Variants in WWOX observed in about 807,000 individuals in gnomAD.
The protein encoded by WWOX is WW domain containing oxidoreductase.
WWOX carries 69 observed loss-of-function variants against 46.2 expected under a neutral mutation model. The ratio of observed to expected loss-of-function variants is 1.49; its 90% CI spans 1.23 to 1.82. The LOEUF is 1.82. WWOX is among the 40% of genes most tolerant of loss of function. The pLI, the probability that WWOX is intolerant of heterozygous loss-of-function variation, is 0.00. For synonymous variants in WWOX, 359 were observed against 202.6 expected (o/e 1.77, Z -6.56); for missense variants, 919 against 542.6 (o/e 1.69, Z -6.89).
intron 8 of WWOX, among the ~76,000 whole-genome samples, chr16:79,035,980 C>T (rs2047858486): frequency 6.6e-6 from 1 of 152,208 alleles, no homozygotes; most frequent in Admixed American, 6.5e-5. Flanking sequence ...CATCCCTTGG[C>T]TTTTTGCTTG....
intron 8 of WWOX, among the ~76,000 whole-genome samples, chr16:78,870,820 T>C (rs776242612): frequency 1.3e-5 from 2 of 152,198 alleles, no homozygotes; most frequent in Non-Finnish European, 2.9e-5. Context: ...CAGGGTTGTC[T>C]CGAACTCCTG....
At chr16:78,758,009 T>C (rs916779664) in intron 8 of WWOX, among the ~76,000 whole-genome samples, 5 of 152,136 alleles carry the variant, frequency 3.3e-5, no homozygotes, top group African/African-American at 1.2e-4. Flanking sequence ...GGATGCTCTT[T>C]TTCAAACTTC....
chr16:78,853,591 T>C (rs1011499379), intron 8 of WWOX, among the ~76,000 whole-genome samples: 1 of 152,184 alleles, frequency 6.6e-6, no homozygotes, highest in Non-Finnish European at 1.5e-5. Flanking sequence ...ATCTTTGTAT[T>C]TTCTTCTCAT....
At chr16:78,542,446 A>T (rs74029542) in intron 8 of WWOX, among the ~76,000 whole-genome samples, 8 of 152,102 alleles carry the variant, frequency 5.3e-5, no homozygotes, top group African/African-American at 1.9e-4. Context: ...TTGCGTTTGA[A>T]TTTGGTCCCA....
At chr16:78,906,715 G>C (rs1002278171) in intron 8 of WWOX, among the ~76,000 whole-genome samples, 2 of 152,174 alleles carry the variant, frequency 1.3e-5, no homozygotes, top group Non-Finnish European at 2.9e-5. Context: ...CAGCTCTATG[G>C]ATGTGCCCAG....
intron 8 of WWOX, among the ~76,000 whole-genome samples, chr16:78,919,257 C>A (rs541974852): frequency 9.9e-5 from 15 of 152,010 alleles, no homozygotes; most frequent in East Asian, 1.9e-4. Flanking sequence ...GACACCCCCC[C>A]ACTCTTAGCC....
At chr16:78,432,111 C>G (rs1231546911) in intron 7 of WWOX, among the ~76,000 whole-genome samples, 4 of 145,016 alleles carry the variant, frequency 2.8e-5, no homozygotes, top group African/African-American at 8.3e-5. Flanking sequence ...TACATAGTTT[C>G]CTCAGATTGC....
chr16:78,312,832 G>C (rs2080275503), intron 5 of WWOX, among the ~76,000 whole-genome samples: 1 of 152,204 alleles, frequency 6.6e-6, no homozygotes, highest in Non-Finnish European at 1.5e-5. Flanking sequence ...GACAGGCCTA[G>C]GCTCTGCCCT....
At chr16:79,048,324 C>T (rs547530349) in intron 8 of WWOX, among the ~76,000 whole-genome samples, 2 of 152,228 alleles carry the variant, frequency 1.3e-5, no homozygotes, top group South Asian at 2.1e-4. Context: ...CCCCAGCCCT[C>T]CAGCCCCACA....
chr16:79,107,819 A>G (rs564835272), intron 8 of WWOX, among the ~76,000 whole-genome samples: 1 of 152,352 alleles, frequency 6.6e-6, no homozygotes, highest in South Asian at 2.1e-4. Flanking sequence ...ATAATCACAA[A>G]TTAAAATAGC....
At chr16:78,535,972 C>A (rs7190925) in intron 8 of WWOX, among the ~76,000 whole-genome samples, 1 of 152,148 alleles carries the variant, frequency 6.6e-6, no homozygotes, top group Non-Finnish European at 1.5e-5. Context: ...CTGATACACA[C>A]AAAGCTTTCA....
intron 8 of WWOX, among the ~76,000 whole-genome samples, chr16:78,572,251 C>G (rs1416660982): frequency 1.3e-5 from 2 of 152,082 alleles, no homozygotes; most frequent in Admixed American, 6.5e-5. Flanking sequence ...GGGTGGATAC[C>G]AGAACGTGCA....
At chr16:78,289,785 G>A (rs548568587) in intron 5 of WWOX, among the ~76,000 whole-genome samples, 6 of 152,120 alleles carry the variant, frequency 3.9e-5, no homozygotes, top group African/African-American at 1.4e-4. Context: ...CTTTAGAGGA[G>A]GTCCTGAATA....
intron 8 of WWOX, among the ~76,000 whole-genome samples, chr16:78,462,326 A>T (rs983581850): frequency 2.1e-4 from 32 of 151,714 alleles, no homozygotes; most frequent in African/African-American, 7.5e-4. Context: ...GTAGCTAACG[A>T]GGGCTGTGAT....
At chr16:78,849,360 G>C (rs1318645861) in intron 8 of WWOX, among the ~76,000 whole-genome samples, 2 of 150,612 alleles carry the variant, frequency 1.3e-5, no homozygotes, top group African/African-American at 4.9e-5. Context: ...TCACGAGGTC[G>C]GGAGATCGAG....
At chr16:79,187,259 G>C (rs2051034982) in intron 8 of WWOX, among the ~76,000 whole-genome samples, 1 of 152,162 alleles carries the variant, frequency 6.6e-6, no homozygotes, top group Admixed American at 6.5e-5. Flanking sequence ...TTTTGAGAAA[G>C]CTAAACGTGC....
intron 6 of WWOX, among the ~76,000 whole-genome samples, chr16:78,420,883 G>T (rs1170562840): frequency 6.6e-6 from 1 of 152,070 alleles, no homozygotes; most frequent in Non-Finnish European, 1.5e-5. Context: ...AATCCTGACT[G>T]TATATCTGGA....
At chr16:78,616,631 C>A (rs757600381) in intron 8 of WWOX, among the ~76,000 whole-genome samples, 2 of 151,538 alleles carry the variant, frequency 1.3e-5, no homozygotes, top group Admixed American at 1.3e-4. Context: ...TAGCCAGGCT[C>A]GGTGGCTTGT....
At chr16:78,111,574 T>C (rs962820670) in intron 3 of WWOX, among the ~76,000 whole-genome samples, 2 of 152,150 alleles carry the variant, frequency 1.3e-5, no homozygotes, top group African/African-American at 4.8e-5. Context: ...AAAGGGAGTC[T>C]CCTTTCCTTG....
Sources: allele counts gnomAD v4.1 joint callset (sites outside exome capture counted in the v4.1 genomes callset), GRCh38; gene constraint gnomAD v4.1.1; transcripts MANE v1.5; gene names NCBI Gene and HGNC (gene_info 2026-07-23, HGNC 2026-07-21).